PHF11: variants seen among roughly 807,000 people sequenced by gnomAD.
PHF11 encodes the protein BRCA1 C-terminus-associated protein.
In PHF11, 38 loss-of-function variants were observed where a neutral mutation model predicts 40.5. The observed-to-expected ratio is 0.94, with a 90% confidence interval of 0.72 to 1.23. PHF11 has a LOEUF of 1.23. PHF11 is among the 50% of genes most tolerant of loss of function. The pLI is 0.00. For synonymous variants in PHF11, 127 were observed against 138.2 expected (o/e 0.92, Z 0.57); for missense variants, 369 against 392.4 (o/e 0.94, Z 0.50).
Position 49,518,101 on chromosome 13 carries a change from CAAG to C in PHF11, c.412_414del (p.Lys138del), listed in dbSNP as rs754648260. ...ACAAGAATTACCACTTTTTCTGTGC[CAAG>C]AAGGACGACGCAGTTCCACAGTCTG... On this transcript the variant is annotated inframe_deletion, in exon 4 of 10. Transcript: ENST00000378319. 28 of 1,606,950 alleles carry C rather than the reference CAAG, an allele frequency of 1.7e-5. No homozygotes were observed. The highest frequency in any genetic ancestry group is 2.3e-5 in the Non-Finnish European group (27 of 1,174,354).
intron 2 of PHF11, among the ~76,000 whole-genome samples, chr13:49,506,965 G>T (rs752699566): frequency 7.0e-6 from 1 of 143,378 alleles, no homozygotes; most frequent in Non-Finnish European, 1.5e-5. Context: ...GTGTGGTGGC[G>T]CAATCTTGAA....
At chr13:49,524,477 CTT>C (rs59326982) in intron 8 of PHF11, among the ~76,000 whole-genome samples, 6 of 143,388 alleles carry the variant, frequency 4.2e-5, no homozygotes, top group Admixed American at 7.0e-5. Flanking sequence ...TTACCTCATT[CTT>C]TTTTTTTTTT....
intron 2 of PHF11, 91 bp from the exon 3 acceptor site, chr13:49,512,968 G>A: frequency 1.5e-6 from 1 of 677,356 alleles, no homozygotes; most frequent in East Asian, 2.8e-5. Flanking sequence ...TCCCACTCCT[G>A]GTTTGATTTT....
intron 3 of PHF11, among the ~76,000 whole-genome samples, chr13:49,515,006 A>G (rs1268691524): frequency 6.6e-6 from 1 of 152,088 alleles, no homozygotes; most frequent in Non-Finnish European, 1.5e-5. Flanking sequence ...TCTCTGTGAA[A>G]TTCTAGTAGC....
intron 1 of PHF11, among the ~76,000 whole-genome samples, chr13:49,497,525 C>G (rs748316580): frequency 2.0e-5 from 3 of 152,210 alleles, no homozygotes; most frequent in Non-Finnish European, 2.9e-5. Flanking sequence ...CTGACTGCTT[C>G]TCACCACTTC....
chr13:49,526,589 C>T (rs1959292517), intron 9 of PHF11, 131 bp downstream of exon 9: 1 of 666,524 alleles, frequency 1.5e-6, no homozygotes, highest in South Asian at 1.8e-5. Flanking sequence ...TGAGAAAAGC[C>T]AATTACAAAA....
chr13:49,526,342 G>T (rs752840277), intron 8 of PHF11, 45 bp from the exon 9 acceptor site: 2 of 1,208,448 alleles, frequency 1.7e-6, no homozygotes, highest in Admixed American at 3.5e-5. Context: ...AGGAGTTTCT[G>T]CCTATACAAA....
At chr13:49,513,215 G>A in intron 3 of PHF11, 49 bp downstream of exon 3, 3 of 870,962 alleles carry the variant, frequency 3.4e-6, no homozygotes, top group South Asian at 2.9e-5. Flanking sequence ...AGACCCTCAA[G>A]GAATGCATTC....
chr13:49,504,502 CGGG>C (rs1958952743), intron 1 of PHF11, among the ~76,000 whole-genome samples: 4 of 63,746 alleles, frequency 6.3e-5, no homozygotes, highest in East Asian at 8.9e-4. Context: ...CCGCCCCGTC[CGGG>C]AGGTGAGGGG....
chr13:49,525,679 TA>T (rs1270878189), intron 8 of PHF11: 1 of 377,226 alleles, frequency 2.7e-6, no homozygotes, highest in African/African-American at 2.1e-5. Context: ...TGAATGGGAT[TA>T]TTTTCTATAG....
chr13:49,523,821 T>C, intron 7 of PHF11: 1 of 260,962 alleles, frequency 3.8e-6, no homozygotes, highest in Non-Finnish European at 7.2e-6. Context: ...TTTATATGTT[T>C]AAAAAAGCCT....
intron 1 of PHF11, chr13:49,496,388 T>C: frequency 3.5e-6 from 4 of 1,134,916 alleles, no homozygotes; most frequent in Non-Finnish European, 4.3e-6. Flanking sequence ...CCCCCGCGGG[T>C]GACAGCCCAG....
chr13:49,515,754 T>G (rs1959144730), intron 3 of PHF11, among the ~76,000 whole-genome samples: 1 of 152,126 alleles, frequency 6.6e-6, no homozygotes, highest in Non-Finnish European at 1.5e-5. Flanking sequence ...CTGCCATCCC[T>G]ACCCCAGCCC....
rs1186515464 is a variant in PHF11, at chr13:49,528,572, G to A, written c.903G>A (p.Glu301=). Residue 301 remains glutamate (E), a synonymous_variant, in exon 10 of 10, where the codon GAG becomes GAA. Coordinates refer to ENST00000378319, the MANE Select transcript of PHF11 (RefSeq NM_001040443.3). ...GGCAGCAGTTGAAGGAAGAGATTGA[G>A]CTACTTCAGGACTTAAAACAAACCT... is the stretch of plus-strand genomic sequence containing the variant. The part of the protein sequence containing the change: ...QRWQQLKEEI[E]LLQDLKQTLC... 1 of 1,611,092 alleles carries A rather than the reference G, an allele frequency of 6.2e-7. No homozygotes were observed. The highest frequency in any genetic ancestry group is 2.2e-5 in the East Asian group (1 of 44,870).
At chr13:49,506,427 G>A (rs572398331) in intron 1 of PHF11, among the ~76,000 whole-genome samples, 35 of 152,006 alleles carry the variant, frequency 2.3e-4, no homozygotes, top group Middle Eastern at 6.8e-3. Context: ...ATTTAGAAGT[G>A]AACTCATTAA....
intron 4 of PHF11, 178 bp downstream of exon 4, chr13:49,518,329 T>C (rs561359761): frequency 1.1e-4 from 30 of 283,780 alleles, no homozygotes; most frequent in East Asian, 2.8e-4. Flanking sequence ...AAAATCTATA[T>C]ATATATATAT....
intron 2 of PHF11, among the ~76,000 whole-genome samples, chr13:49,508,344 CTATATTCA>C (rs928808490): frequency 7.4e-6 from 1 of 134,436 alleles, no homozygotes; most frequent in Non-Finnish European, 1.6e-5. Context: ...TCATATATTA[CTATATTCA>C]TATATTCATA....
intron 1 of PHF11, among the ~76,000 whole-genome samples, chr13:49,501,849 C>G (rs1275786564): frequency 6.6e-6 from 1 of 152,088 alleles, no homozygotes; most frequent in East Asian, 1.9e-4. Flanking sequence ...CGCCACCATG[C>G]CCGGCTAATT....
chr13:49,501,810 C>A (rs1958911865), intron 1 of PHF11, among the ~76,000 whole-genome samples: 1 of 152,070 alleles, frequency 6.6e-6, no homozygotes, highest in African/African-American at 2.4e-5. Flanking sequence ...CTTGCCTCAG[C>A]CTCCCGAGTA....
Sources: allele counts gnomAD v4.1 joint callset (sites outside exome capture counted in the v4.1 genomes callset), GRCh38; gene constraint gnomAD v4.1.1; transcripts MANE v1.5; gene names NCBI Gene and HGNC (gene_info 2026-07-23, HGNC 2026-07-21).